The following DCC variants were observed in gnomAD, a reference collection of about 807,000 sequenced individuals.
DCC encodes the protein DCC netrin 1 receptor.
A neutral mutation model predicts 172.5 loss-of-function variants in DCC; 58 were observed. That is an observed-to-expected ratio of 0.34 (90% CI 0.27 to 0.42). The LOEUF (loss-of-function observed/expected upper bound fraction) is 0.42, where lower values mean the gene tolerates loss of function less well. DCC is among the 10% of genes least tolerant of loss of function. DCC has a pLI of 1.00. For synonymous variants in DCC, 709 were observed against 644.5 expected (o/e 1.10, Z -1.52); for missense variants, 1,740 against 1,791.0 (o/e 0.97, Z 0.51).
intron 7 of DCC, among the ~76,000 whole-genome samples, chr18:53,076,684 A>C (rs1389895395): frequency 6.6e-6 from 1 of 152,202 alleles, no homozygotes; most frequent in Non-Finnish European, 1.5e-5. Context: ...GAATAGGAAA[A>C]GCAACCCATT....
At chr18:53,303,126 A>C (rs1485750566) in intron 12 of DCC, among the ~76,000 whole-genome samples, 1 of 152,132 alleles carries the variant, frequency 6.6e-6, no homozygotes, top group Non-Finnish European at 1.5e-5. Context: ...TTGAGAACCA[A>C]ATCTCTAATT....
At chr18:53,019,344 C>T (rs2041848452) in intron 5 of DCC, among the ~76,000 whole-genome samples, 1 of 152,000 alleles carries the variant, frequency 6.6e-6, no homozygotes, top group East Asian at 1.9e-4. Context: ...TTGGAACTAC[C>T]CCTGTTACTT....
At chr18:52,652,841 G>A (rs1284139588) in intron 1 of DCC, among the ~76,000 whole-genome samples, 2 of 151,972 alleles carry the variant, frequency 1.3e-5, no homozygotes, top group Non-Finnish European at 2.9e-5. Context: ...CTGGTTATGG[G>A]GACATAGGCA....
intron 17 of DCC, among the ~76,000 whole-genome samples, chr18:53,394,383 C>T (rs976316581): frequency 1.3e-5 from 2 of 152,106 alleles, no homozygotes; most frequent in Non-Finnish European, 2.9e-5. Flanking sequence ...CAGGGATTTC[C>T]CCACAAGAGT....
intron 5 of DCC, among the ~76,000 whole-genome samples, chr18:52,964,762 TA>T (rs1469697792): frequency 6.6e-6 from 1 of 152,186 alleles, no homozygotes; most frequent in African/African-American, 2.4e-5. Flanking sequence ...GTAAATATAT[TA>T]TTTCACAATC....
intron 1 of DCC, among the ~76,000 whole-genome samples, chr18:52,611,168 A>G (rs1197099169): frequency 6.6e-6 from 1 of 152,108 alleles, no homozygotes; most frequent in African/African-American, 2.4e-5. Flanking sequence ...TGTATCAGTC[A>G]CTGTAAACTT....
At chr18:52,846,114 T>A (rs1029117517) in intron 2 of DCC, among the ~76,000 whole-genome samples, 2 of 152,282 alleles carry the variant, frequency 1.3e-5, no homozygotes, top group African/African-American at 4.8e-5. Context: ...TTTCCAGCAG[T>A]TAATACATTC....
chr18:52,691,759 G>T (rs2035933090), intron 1 of DCC, among the ~76,000 whole-genome samples: 2 of 152,006 alleles, frequency 1.3e-5, no homozygotes, highest in Non-Finnish European at 2.9e-5. Flanking sequence ...CATTGTACGG[G>T]GCACAGTTTA....
intron 1 of DCC, among the ~76,000 whole-genome samples, chr18:52,635,405 C>A (rs1279910090): frequency 6.6e-6 from 1 of 152,014 alleles, no homozygotes; most frequent in Non-Finnish European, 1.5e-5. Context: ...AATATAAACC[C>A]AAAGGCATCA....
chr18:52,398,778 T>C (rs1352936576), intron 1 of DCC, among the ~76,000 whole-genome samples: 1 of 151,952 alleles, frequency 6.6e-6, no homozygotes, highest in Non-Finnish European at 1.5e-5. Flanking sequence ...GGCTTACATA[T>C]TGTTTTATAG....
intron 7 of DCC, among the ~76,000 whole-genome samples, chr18:53,102,776 G>A (rs557819427): frequency 1.4e-4 from 21 of 152,082 alleles, no homozygotes; most frequent in Admixed American, 1.2e-3. Context: ...TTATTGTGCT[G>A]TAGGGTCTTC....
rs1385205764 is a variant in DCC, at chr18:53,534,656, T to C, written c.*4003T>C. On this transcript the variant is annotated 3_prime_UTR_variant, in exon 29 of 29. Transcript: ENST00000442544. ...GAAAATCATAGATAGGTGTTTTGTA[T>C]GATATTCCATTCCAATGCAAAATAT... is the stretch of plus-strand genomic sequence containing the variant. The C allele has an allele frequency of 1.3e-5, 2 of 152,220 alleles. No homozygotes were observed. The highest frequency in any genetic ancestry group is 4.8e-5 in the African/African-American group (2 of 41,460). The allele number at this position is 152,220 out of a possible 1,614,324, so 9.4% of individuals were successfully genotyped here.
At chr18:53,472,114 ATT>A (rs899104265) in intron 25 of DCC, among the ~76,000 whole-genome samples, 1 of 152,078 alleles carries the variant, frequency 6.6e-6, no homozygotes, top group African/African-American at 2.4e-5. Context: ...TCTTCTCTCA[ATT>A]TTACTATAAT....
intron 1 of DCC, among the ~76,000 whole-genome samples, chr18:52,363,648 C>T (rs899025781): frequency 6.6e-6 from 1 of 152,222 alleles, no homozygotes; most frequent in Non-Finnish European, 1.5e-5. Flanking sequence ...CTAGGCTCTA[C>T]TGGTCAATTA....
At chr18:52,973,892 C>T (rs1598987551) in intron 5 of DCC, among the ~76,000 whole-genome samples, 1 of 151,982 alleles carries the variant, frequency 6.6e-6, no homozygotes. Flanking sequence ...CAATTTCATT[C>T]GGTAGATCAA....
chr18:53,264,774 G>C (rs2056652953), intron 12 of DCC, among the ~76,000 whole-genome samples: 1 of 151,890 alleles, frequency 6.6e-6, no homozygotes, highest in Non-Finnish European at 1.5e-5. Flanking sequence ...TTGCTGAAAA[G>C]AATAAGGATG....
chr18:52,395,933 A>G lies in DCC; in HGVS notation c.91+55055A>G, dbSNP rs570744230. On this transcript the variant is annotated intron_variant, in intron 1 of 28. Transcript: ENST00000442544. ...CTCACAGAATAGGTAAGATTTCTAAACCTTTCCACAGATTCACATAAGTCA... is the reference window on the plus strand; with the variant it reads ...CTCACAGAATAGGTAAGATTTCTAAGCCTTTCCACAGATTCACATAAGTCA... Among the ~76,000 whole-genome samples the G allele has an allele frequency of 3.9e-5, 6 of 152,004 alleles. No individual in the cohort carries two copies. In the East Asian group the frequency reaches 1.2e-3, roughly 30 times the overall value.
chr18:52,548,994 C>CT (rs1238073548), intron 1 of DCC, among the ~76,000 whole-genome samples: 2 of 152,004 alleles, frequency 1.3e-5, no homozygotes, highest in Non-Finnish European at 2.9e-5. Flanking sequence ...ACATATTTCC[C>CT]TTTTTTCTTT....
At chr18:53,075,610 T>C (rs993970546) in intron 7 of DCC, among the ~76,000 whole-genome samples, 14 of 152,166 alleles carry the variant, frequency 9.2e-5, no homozygotes, top group Admixed American at 2.6e-4. Context: ...GGTTTTTATA[T>C]TGAATCCAAA....
Sources: gnomAD v4.1 joint callset for allele counts (sites outside exome capture counted in the v4.1 genomes callset) on GRCh38, gnomAD v4.1.1 for gene constraint, MANE v1.5 for transcripts, NCBI Gene and HGNC (gene_info 2026-07-23, HGNC 2026-07-21) for gene names.